The following NREP variants were observed in gnomAD, a reference collection of about 807,000 sequenced individuals.
NREP encodes neuronal regeneration-related protein.
A neutral mutation model predicts 8.6 loss-of-function variants in NREP; 5 were observed. The observed-to-expected ratio is 0.58, with a 90% CI of 0.30 to 1.22. The LOEUF is 1.22. NREP is among the 50% of genes most tolerant of loss of function. The pLI is 0.07. For missense variants in NREP, 86 were observed against 82.5 expected (o/e 1.04, Z -0.17); for synonymous variants, 27 against 28.0 (o/e 0.96, Z 0.11).
chr5:111,845,378 T>C (rs1581161110), intron 2 of NREP, among the ~76,000 whole-genome samples: 2 of 152,222 alleles, frequency 1.3e-5, no homozygotes, highest in Middle Eastern at 6.8e-3. Context: ...ATTGTTCAAA[T>C]TGATGTTTCT....
chr5:111,851,554 A>G (rs1753310525), intron 2 of NREP, among the ~76,000 whole-genome samples: 1 of 152,164 alleles, frequency 6.6e-6, no homozygotes, highest in Non-Finnish European at 1.5e-5. Context: ...ACTTAGGTTG[A>G]TTCCATATCT....
chr5:111,926,453 A>G (rs900905754), intron 2 of NREP, among the ~76,000 whole-genome samples: 2 of 152,128 alleles, frequency 1.3e-5, no homozygotes, highest in African/African-American at 4.8e-5. Flanking sequence ...CACAGGGCAA[A>G]GAAAGCCTGT....
intron 2 of NREP, among the ~76,000 whole-genome samples, chr5:111,970,399 G>A (rs1342992396): frequency 2.0e-5 from 3 of 152,164 alleles, no homozygotes; most frequent in African/African-American, 2.4e-5. Context: ...ATTTACCTGT[G>A]CTGGCTTTGT....
At chr5:111,850,719 C>G (rs534223606) in intron 2 of NREP, among the ~76,000 whole-genome samples, 247 of 152,248 alleles carry the variant, frequency 1.6e-3, no homozygotes, top group African/African-American at 5.9e-3. Context: ...TCTTCCTTTA[C>G]TACCCTTTTT....
chr5:111,814,897 G>A (rs1752349868), intron 2 of NREP, among the ~76,000 whole-genome samples: 1 of 151,132 alleles, frequency 6.6e-6, no homozygotes, highest in Admixed American at 6.6e-5. Context: ...AGGAAGCGTT[G>A]AGGTCAGAAC....
chr5:111,758,526 CATTTT>C (rs1480733217), upstream of NREP, among the ~76,000 whole-genome samples: 1 of 152,084 alleles, frequency 6.6e-6, no homozygotes, highest in Admixed American at 6.5e-5. Flanking sequence ...AGCAGGATAT[CATTTT>C]ATGGTAACTC....
At chr5:111,731,600 G>GA (rs1748587118) in intron 3 of NREP, among the ~76,000 whole-genome samples, 1 of 152,102 alleles carries the variant, frequency 6.6e-6, no homozygotes, top group South Asian at 2.1e-4. Flanking sequence ...CCAAAGATGG[G>GA]AAGTGTCTGT....
At chr5:111,850,094 T>C (rs1306628649) in intron 2 of NREP, among the ~76,000 whole-genome samples, 1 of 152,166 alleles carries the variant, frequency 6.6e-6, no homozygotes, top group African/African-American at 2.4e-5. Context: ...GTTAATCACT[T>C]TCTCCATAAA....
chr5:111,884,675 C>G (rs576586014), intron 2 of NREP, among the ~76,000 whole-genome samples: 1 of 152,146 alleles, frequency 6.6e-6, no homozygotes, highest in Non-Finnish European at 1.5e-5. Context: ...TCAATGTACA[C>G]AAATCAATAA....
At chr5:111,838,453 A>G (rs1236394337) in intron 2 of NREP, among the ~76,000 whole-genome samples, 1 of 152,150 alleles carries the variant, frequency 6.6e-6, no homozygotes, top group East Asian at 1.9e-4. Flanking sequence ...CTGTGGAGGT[A>G]TTTTGTAAAT....
chr5:111,758,335 C>A (rs959701378), upstream of NREP: 1 of 799,298 alleles, frequency 1.3e-6, no homozygotes, highest in Non-Finnish European at 1.5e-6. Flanking sequence ...TACGCTCCCC[C>A]ACTGCCTGCC....
At chr5:111,944,946 C>T (rs1251792106) in intron 2 of NREP, among the ~76,000 whole-genome samples, 1 of 151,986 alleles carries the variant, frequency 6.6e-6, no homozygotes. Context: ...TCATCTTCAC[C>T]TCTCCTTTAT....
intron 2 of NREP, among the ~76,000 whole-genome samples, chr5:111,919,444 T>C (rs1347693474): frequency 1.3e-5 from 2 of 152,072 alleles, no homozygotes; most frequent in African/African-American, 4.8e-5. Context: ...TGCAGCACTA[T>C]TAACAACAGC....
chr5:111,966,735 C>A (rs149300620), intron 2 of NREP, among the ~76,000 whole-genome samples: 1 of 152,126 alleles, frequency 6.6e-6, no homozygotes, highest in Admixed American at 6.5e-5. Context: ...TATACTTAAG[C>A]ATTTATTTAA....
chr5:111,964,453 G>T (rs1003567429), intron 2 of NREP, among the ~76,000 whole-genome samples: 1 of 151,938 alleles, frequency 6.6e-6, no homozygotes, highest in South Asian at 2.1e-4. Context: ...CTGCAACCTC[G>T]CCTCCTGTGT....
At chr5:111,746,919 T>C (rs1006944015) in intron 2 of NREP, among the ~76,000 whole-genome samples, 5 of 152,178 alleles carry the variant, frequency 3.3e-5, no homozygotes, top group Non-Finnish European at 5.9e-5. Flanking sequence ...TAAGCTACTA[T>C]TAACTGAGTT....
chr5:111,911,456 T>C (rs1432482372), intron 2 of NREP, among the ~76,000 whole-genome samples: 1 of 152,088 alleles, frequency 6.6e-6, no homozygotes, highest in Non-Finnish European at 1.5e-5. Context: ...ACTGCTATTA[T>C]CTCTACTTCC....
chr5:111,754,213 C>T (rs1750559392), intron 2 of NREP, among the ~76,000 whole-genome samples: 1 of 152,218 alleles, frequency 6.6e-6, no homozygotes, highest in African/African-American at 2.4e-5. Context: ...ATTTGCTTTT[C>T]TGCATTCAAA....
chr5:111,739,616 A>G (rs1749472817), intron 2 of NREP: 1 of 151,952 alleles, frequency 6.6e-6, no homozygotes, highest in Non-Finnish European at 1.5e-5. Context: ...ATCAACTGAC[A>G]CTCCAAACAT....
Sources: allele counts gnomAD v4.1 joint callset (sites outside exome capture counted in the v4.1 genomes callset), GRCh38; gene constraint gnomAD v4.1.1; transcripts MANE v1.5; gene names NCBI Gene and HGNC (gene_info 2026-07-23, HGNC 2026-07-21).